The following UNC13C variants were observed in gnomAD, a reference collection of about 807,000 sequenced individuals.
The protein encoded by UNC13C is unc-13 homolog C, also known as protein unc-13 homolog C.
In UNC13C, 174 loss-of-function variants were observed where a neutral mutation model predicts 245.4. That is an observed-to-expected ratio of 0.71 (90% CI 0.63 to 0.80). The LOEUF is 0.80. Ranked by LOEUF, UNC13C falls within the 30% of genes least tolerant of loss-of-function variation. The pLI is 0.00. For missense variants in UNC13C, 2,829 were observed against 2,602.9 expected (o/e 1.09, Z -1.89); for synonymous variants, 992 against 895.1 (o/e 1.11, Z -1.93).
intron 2 of UNC13C, among the ~76,000 whole-genome samples, chr15:54,058,503 T>G (rs1160312429): frequency 6.6e-6 from 1 of 152,136 alleles, no homozygotes; most frequent in African/African-American, 2.4e-5. Context: ...CAGGACCAGA[T>G]GGACTCACAG....
At chr15:54,063,565 T>C (rs964749539) in intron 2 of UNC13C, among the ~76,000 whole-genome samples, 1 of 152,168 alleles carries the variant, frequency 6.6e-6, no homozygotes, top group Non-Finnish European at 1.5e-5. Context: ...TTTATTCTCC[T>C]AGATTCAGAA....
At chr15:54,401,778 G>A (rs117915887) in intron 18 of UNC13C, among the ~76,000 whole-genome samples, 2 of 152,036 alleles carry the variant, frequency 1.3e-5, no homozygotes, top group African/African-American at 4.8e-5. Flanking sequence ...TCCGGAAGGA[G>A]CATCTTGTCT....
At chr15:54,438,125 A>G (rs1890319656) in intron 19 of UNC13C, among the ~76,000 whole-genome samples, 1 of 149,368 alleles carries the variant, frequency 6.7e-6, no homozygotes, top group Admixed American at 6.6e-5. Flanking sequence ...TCATCTATAG[A>G]AAAAAAAGGA....
chr15:53,921,758 C>T, the UNC13C span, among the ~76,000 whole-genome samples: 141,787 of 152,258 alleles, frequency 0.93, 66,277 homozygotes, highest in Middle Eastern at 0.98. Context: ...GGGTGTGTTA[C>T]GGCCACCTCA....
At chr15:54,454,592 C>G (rs1891371954) in intron 19 of UNC13C, among the ~76,000 whole-genome samples, 1 of 150,758 alleles carries the variant, frequency 6.6e-6, no homozygotes, top group South Asian at 2.1e-4. Context: ...ACAACAATAA[C>G]TCCCCATGCC....
At chr15:54,067,428 A>G (rs761444064) in intron 2 of UNC13C, among the ~76,000 whole-genome samples, 26 of 152,148 alleles carry the variant, frequency 1.7e-4, no homozygotes, top group Non-Finnish European at 2.8e-4. Flanking sequence ...ACTTGTTTCA[A>G]TTGATTTAAG....
chr15:54,093,645 G>A (rs1899691432), intron 2 of UNC13C, among the ~76,000 whole-genome samples: 1 of 152,206 alleles, frequency 6.6e-6, no homozygotes, highest in Non-Finnish European at 1.5e-5. Context: ...GAGAGCCCTT[G>A]GAAAGTCACA....
intron 24 of UNC13C, among the ~76,000 whole-genome samples, chr15:54,518,061 C>T (rs1895057067): frequency 6.6e-6 from 1 of 152,162 alleles, no homozygotes; most frequent in Admixed American, 6.5e-5. Context: ...TGGCAACATG[C>T]ACAGACTGCC....
At chr15:54,340,515 T>C (rs2038703428) in intron 17 of UNC13C, among the ~76,000 whole-genome samples, 1 of 152,196 alleles carries the variant, frequency 6.6e-6, no homozygotes, top group Non-Finnish European at 1.5e-5. Context: ...GCTTGCCAAT[T>C]ATCCCAGCAC....
intron 2 of UNC13C, among the ~76,000 whole-genome samples, chr15:54,061,281 G>T (rs1042017011): frequency 2.6e-5 from 4 of 152,164 alleles, no homozygotes; most frequent in African/African-American, 9.7e-5. Flanking sequence ...GTCTAGTCCA[G>T]TGTCTGATTC....
At chr15:54,119,080 G>A (rs527511906) in intron 2 of UNC13C, among the ~76,000 whole-genome samples, 1 of 151,614 alleles carries the variant, frequency 6.6e-6, no homozygotes, top group African/African-American at 2.4e-5. Context: ...TAGAATTGCT[G>A]TTAGTAGTTC....
At chr15:54,486,025 C>T (rs1268145484) in intron 19 of UNC13C, among the ~76,000 whole-genome samples, 1 of 152,022 alleles carries the variant, frequency 6.6e-6, no homozygotes, top group African/African-American at 2.4e-5. Flanking sequence ...TATTGAATGG[C>T]ATTTATTGTC....
At chr15:54,381,634 C>G (rs1027638731) in intron 17 of UNC13C, among the ~76,000 whole-genome samples, 1 of 151,950 alleles carries the variant, frequency 6.6e-6, no homozygotes, top group African/African-American at 2.4e-5. Flanking sequence ...TCTTTTATTC[C>G]TATTTATAGA....
chr15:53,976,063 G>C (rs1301425319), upstream of UNC13C, among the ~76,000 whole-genome samples: 1 of 152,158 alleles, frequency 6.6e-6, no homozygotes, highest in East Asian at 1.9e-4. Flanking sequence ...GTACTCAGTA[G>C]TGAAAACTAC....
chr15:54,303,853 G>A (rs907349933), intron 13 of UNC13C, among the ~76,000 whole-genome samples: 3 of 152,012 alleles, frequency 2.0e-5, no homozygotes, highest in Non-Finnish European at 4.4e-5. Flanking sequence ...GGCTTCCAGG[G>A]CACAGGTAGA....
At chr15:54,045,071 A>C (rs1015981302) in intron 2 of UNC13C, among the ~76,000 whole-genome samples, 7 of 152,084 alleles carry the variant, frequency 4.6e-5, no homozygotes, top group African/African-American at 1.7e-4. Flanking sequence ...AAAAATTTTA[A>C]ATTTTGATGG....
chr15:54,038,124 A>ATATAAAAATTTTTTTTTTTT, intron 2 of UNC13C, among the ~76,000 whole-genome samples: 8 of 45,032 alleles, frequency 1.8e-4, no homozygotes, highest in African/African-American at 8.5e-4. Flanking sequence ...ATATATATAT[A>ATATAAAAATTTTTTTTTTTT]TTTTTTTTTT....
chr15:54,345,670 C>G (rs554659936), intron 17 of UNC13C, among the ~76,000 whole-genome samples: 2 of 152,232 alleles, frequency 1.3e-5, no homozygotes, highest in African/African-American at 4.8e-5. Flanking sequence ...ACTAATAGAA[C>G]TTCAGTTACT....
the UNC13C span, among the ~76,000 whole-genome samples, chr15:53,961,280 A>C: frequency 6.6e-6 from 1 of 152,220 alleles, no homozygotes; most frequent in Non-Finnish European, 1.5e-5. Flanking sequence ...TGGTGCTCTT[A>C]TTCCTTTGCT....
Sources: allele counts gnomAD v4.1 joint callset (sites outside exome capture counted in the v4.1 genomes callset), GRCh38; gene constraint gnomAD v4.1.1; transcripts MANE v1.5; gene names NCBI Gene and HGNC (gene_info 2026-07-23, HGNC 2026-07-21).